The following OSMR variants were observed in gnomAD, a reference collection of about 807,000 sequenced individuals.
OSMR encodes oncostatin M receptor.
A neutral mutation model predicts 99.9 loss-of-function variants in OSMR; 81 were observed. The ratio of observed to expected loss-of-function variants is 0.81; its 90% CI spans 0.68 to 0.97. OSMR has a LOEUF of 0.97. Among genes scored for constraint, OSMR ranks in the 50% least tolerant of loss-of-function variants. The probability of loss-of-function intolerance (pLI) is 0.00; values close to 1 mark genes in which losing one functional copy is unlikely to be tolerated. For synonymous variants in OSMR, 406 were observed against 410.4 expected (o/e 0.99, Z 0.13); for missense variants, 1,099 against 1,153.4 (o/e 0.95, Z 0.68).
intron 2 of OSMR, among the ~76,000 whole-genome samples, chr5:38,870,121 G>A (rs1358611692): frequency 6.6e-6 from 1 of 151,998 alleles, no homozygotes; most frequent in Non-Finnish European, 1.5e-5. Context: ...TAGGTCCAGG[G>A]CACATGGGAA....
chr5:38,898,785 A>T (rs956286899), intron 7 of OSMR, among the ~76,000 whole-genome samples: 2 of 151,770 alleles, frequency 1.3e-5, no homozygotes, highest in East Asian at 1.9e-4. Flanking sequence ...ATATTTTTTT[A>T]AAAATTTGAG....
At chr5:38,939,443 G>C (rs747220921), downstream of OSMR, 14 of 231,890 alleles carry the variant, frequency 6.0e-5, no homozygotes, top group Non-Finnish European at 1.1e-4. Flanking sequence ...TTTAATTAGG[G>C]AGAACAGACT....
intron 9 of OSMR, among the ~76,000 whole-genome samples, chr5:38,915,270 T>C (rs1745827718): frequency 6.6e-6 from 1 of 152,226 alleles, no homozygotes; most frequent in Non-Finnish European, 1.5e-5. Context: ...TCATAATTTC[T>C]CAAAAATTTG....
Position 38,888,863 on chromosome 5 carries a change from C to A in OSMR, c.991+2673C>A, listed in dbSNP as rs561910285. On this transcript the variant is annotated intron_variant, in intron 7 of 17. Coordinates refer to ENST00000274276, the MANE Select transcript of OSMR (RefSeq NM_003999.3). Reference sequence around the variant, plus strand: ...CTTCTTCAGAAAATGTTTATGGGAACAACAGTCCCCTGAATTTTTGAATGT... The same window carrying A: ...CTTCTTCAGAAAATGTTTATGGGAAAAACAGTCCCCTGAATTTTTGAATGT... Among the ~76,000 whole-genome samples the A allele has an allele frequency of 2.5e-4, 38 of 152,248 alleles. 1 individual carries two copies. The highest frequency in any genetic ancestry group is 2.2e-3 in the Admixed American group (34 of 15,302).
intron 1 of OSMR, among the ~76,000 whole-genome samples, chr5:38,862,211 A>C (rs1579640802): frequency 1.1e-5 from 1 of 87,996 alleles, no homozygotes; most frequent in African/African-American, 4.6e-5. Flanking sequence ...GGCGCCCCTC[A>C]CCTCCCGGAC....
intron 1 of OSMR, among the ~76,000 whole-genome samples, chr5:38,858,197 T>C (rs1741007099): frequency 1.3e-5 from 2 of 152,196 alleles, no homozygotes; most frequent in Non-Finnish European, 2.9e-5. Context: ...TGTGGTGCTG[T>C]AGAACACTAG....
Position 38,917,576 on chromosome 5 carries a change from TTG to T in OSMR, c.1319_1320del (p.Val440GlufsTer29). The T allele has an allele frequency of 6.2e-7, 1 of 1,613,704 alleles. No individual in the cohort carries two copies. Among genetic ancestry groups the T allele is most frequent in the East Asian group, 2.2e-5 (1 of 44,860 alleles). ...TCAGAGGCCCCTGATGTCTGGAGAA[TTG>T]TGAGCTTGGAGCCAGGAAATCATAC... On this transcript the variant is annotated frameshift_variant, in exon 10 of 18. Coordinates refer to ENST00000274276, the MANE Select transcript of OSMR (RefSeq NM_003999.3). LOFTEE classifies it high-confidence loss of function.
At chr5:38,904,296 ATGTTTC>A in intron 8 of OSMR, 51 bp from the exon 9 acceptor site, 2 of 1,567,800 alleles carry the variant, frequency 1.3e-6, no homozygotes, top group Non-Finnish European at 1.7e-6. Context: ...GCACTCACCA[ATGTTTC>A]TGTCTTGTTC....
At chr5:38,928,029 G>A (rs1206391400) in intron 15 of OSMR, among the ~76,000 whole-genome samples, 4 of 152,166 alleles carry the variant, frequency 2.6e-5, no homozygotes, top group Non-Finnish European at 1.5e-5. Context: ...TTCCCAACAA[G>A]TTCCTCATCT....
intron 7 of OSMR, 155 bp from the exon 8 acceptor site, chr5:38,903,727 C>T (rs766282769): frequency 3.0e-5 from 29 of 965,256 alleles, no homozygotes; most frequent in African/African-American, 1.1e-4. Context: ...GTAGTTGGCT[C>T]ATTCTAGCTT....
intron 1 of OSMR, among the ~76,000 whole-genome samples, chr5:38,860,470 T>A (rs1319329599): frequency 6.6e-6 from 1 of 152,194 alleles, no homozygotes; most frequent in Non-Finnish European, 1.5e-5. Context: ...TCTATTTGCC[T>A]AGTATTTTAT....
Position 38,919,053 on chromosome 5 carries a change from C to A in OSMR, c.1576C>A (p.Pro526Thr), listed in dbSNP as rs1033034835. 8 of 1,613,690 alleles carry A rather than the reference C, an allele frequency of 5.0e-6. No individual in the cohort carries two copies. Among genetic ancestry groups the A allele is most frequent in the African/African-American group, 1.3e-5 (1 of 74,872 alleles). Residue 526 changes from proline to threonine, a missense_variant, in exon 11 of 18, where the codon CCC (proline) becomes ACC (threonine). Physicochemically the swap from Pro to Thr is conservative, Grantham distance 38. Transcript: ENST00000274276. ...PASVIVISAD[P>T]ENKEVEEERI... The stretch of plus-strand genomic sequence containing the variant: ...TTCTGTAATAGTCATCTCTGCAGAC[C>A]CCGAAAACAGTGAGTTTGTTTTCAT...
chr5:38,923,271 T>C lies in OSMR; in HGVS notation c.1870+17T>C. ...AGGAACTTGGTAAGTTTAAAGCATGTAATGTGCCCCATGTGCAGACTTGTT... is the reference window on the plus strand; with the variant it reads ...AGGAACTTGGTAAGTTTAAAGCATGCAATGTGCCCCATGTGCAGACTTGTT... On this transcript the variant is annotated intron_variant, in intron 13 of 17. Coordinates refer to ENST00000274276, the MANE Select transcript of OSMR (RefSeq NM_003999.3). 1 of 1,431,552 alleles carries C rather than the reference T, an allele frequency of 7.0e-7. No homozygotes were observed. 88.7% of individuals were successfully genotyped at this position (1,431,552 alleles called of 1,614,324 possible). A position where few individuals can be genotyped will look rare whatever the true frequency, so the allele number is the denominator to read the frequency against.
chr5:38,857,947 C>T (rs1213192077), intron 1 of OSMR, among the ~76,000 whole-genome samples: 10 of 151,996 alleles, frequency 6.6e-5, no homozygotes, highest in African/African-American at 1.7e-4. Context: ...GGATTACAGG[C>T]GTGAGCCACC....
chr5:38,922,234 G>C (rs1746269588), intron 12 of OSMR, among the ~76,000 whole-genome samples: 1 of 152,110 alleles, frequency 6.6e-6, no homozygotes, highest in South Asian at 2.1e-4. Flanking sequence ...TTTGTAATGT[G>C]AAGATTGCTA....
chr5:38,925,412 T>C lies in OSMR; in HGVS notation c.2212+41T>C, dbSNP rs202197518. 4 of 1,542,610 alleles carry C rather than the reference T, an allele frequency of 2.6e-6. No homozygotes were observed. In the East Asian group the frequency reaches 9.0e-5, roughly 35 times the overall value. On this transcript the variant is annotated intron_variant, in intron 15 of 17. Transcript: ENST00000274276. ...TCAAAGTTCTTCCCTTAGGAGTTTC[T>C]GGGAAACTAACAAATTACAGAAGTG...
chr5:38,938,562 A>G (rs10941413), downstream of OSMR: 11,378 of 232,862 alleles, frequency 0.049, 703 homozygotes, highest in East Asian at 0.25. Context: ...TGGTGCAGCT[A>G]TCCGATACTT....
At chr5:38,917,392 A>C (rs1048465974) in intron 9 of OSMR, 154 bp from the exon 10 acceptor site, 1 of 984,920 alleles carries the variant, frequency 1.0e-6, no homozygotes, top group Non-Finnish European at 1.2e-6. Flanking sequence ...GTGGCTGTGG[A>C]CCAGTGGGTA....
Position 38,886,019 on chromosome 5 carries a change from ATTTTG to A in OSMR, c.840-10_840-6del, listed in dbSNP as rs769366207. 6.2e-7 allele frequency: 1 copy of A among 1,612,150 alleles called. No individual in the cohort carries two copies. The highest frequency in any genetic ancestry group is 8.5e-7 in the Non-Finnish European group (1 of 1,179,718). ...GTAAAAACCTCGTAATGGTTGTGTT[ATTTTG>A]TTTTGTTTTTAAAGATTTTCTGGGG... On this transcript the variant is annotated splice_polypyrimidine_tract_variant and intron_variant, in intron 6 of 17. Transcript: ENST00000274276.
Sources: allele counts gnomAD v4.1 joint callset (sites outside exome capture counted in the v4.1 genomes callset), GRCh38; gene constraint gnomAD v4.1.1; transcripts MANE v1.5; gene names NCBI Gene and HGNC (gene_info 2026-07-23, HGNC 2026-07-21).